GPC6: variants seen among roughly 807,000 people sequenced by gnomAD.
The protein encoded by GPC6 is glypican-6.
In GPC6, 14 loss-of-function variants were observed where a neutral mutation model predicts 55.2. That is an observed-to-expected ratio of 0.25 (90% CI 0.17 to 0.40). The LOEUF is 0.40. Among genes scored for constraint, GPC6 ranks in the 10% least tolerant of loss-of-function variants. The pLI, the probability that GPC6 is intolerant of heterozygous loss-of-function variation, is 1.00. For synonymous variants in GPC6, 278 were observed against 259.6 expected (o/e 1.07, Z -0.68); for missense variants, 641 against 708.5 (o/e 0.90, Z 1.08).
chr13:94,029,740 T>G (rs1272305887), intron 4 of GPC6, among the ~76,000 whole-genome samples: 2 of 152,190 alleles, frequency 1.3e-5, no homozygotes, highest in African/African-American at 4.8e-5. Context: ...GAATATAGGC[T>G]TTTTAACTTG....
chr13:93,413,809 G>A (rs1050142416), intron 1 of GPC6, among the ~76,000 whole-genome samples: 17 of 152,124 alleles, frequency 1.1e-4, no homozygotes, highest in African/African-American at 4.1e-4. Context: ...TTCAAAATAA[G>A]TGTTTAAAAT....
intron 2 of GPC6, among the ~76,000 whole-genome samples, chr13:93,722,199 CT>C (rs2138824411): frequency 6.6e-6 from 1 of 151,544 alleles, no homozygotes; most frequent in East Asian, 1.9e-4. Context: ...CCATTTTAAC[CT>C]TTCATTAATC....
intron 1 of GPC6, among the ~76,000 whole-genome samples, chr13:93,455,821 G>A (rs924963894): frequency 1.3e-5 from 2 of 152,096 alleles, no homozygotes; most frequent in Non-Finnish European, 2.9e-5. Context: ...AGTACTCTGT[G>A]CAGGGGACTA....
intron 1 of GPC6, among the ~76,000 whole-genome samples, chr13:93,270,495 A>G (rs1877481587): frequency 6.6e-6 from 1 of 152,048 alleles, no homozygotes; most frequent in African/African-American, 2.4e-5. Flanking sequence ...AGAATTAAAC[A>G]TTGTTTTATT....
rs775155521 is a variant in GPC6 at position 94,047,131 on chromosome 13, G to A, written c.877+19237G>A. ...CAGTGTACCAAACAGGTCCCCTTTA[G>A]TATGTCACTGAATATTTTTAAATGT... On this transcript the variant is annotated intron_variant, in intron 4 of 8. Coordinates refer to ENST00000377047, the MANE Select transcript of GPC6 (RefSeq NM_005708.5). Among the ~76,000 whole-genome samples, 9 of 152,074 alleles carry A rather than the reference G, an allele frequency of 5.9e-5. No homozygotes were observed. The South Asian group carries it at 1.0e-3, about 17-fold the overall frequency.
intron 6 of GPC6, among the ~76,000 whole-genome samples, chr13:94,337,997 G>A (rs922334613): frequency 5.9e-5 from 9 of 152,188 alleles, no homozygotes; most frequent in South Asian, 2.1e-4. Flanking sequence ...ATTCGCACAC[G>A]TTAAGAAGAC....
chr13:93,871,983 GAAAT>G (rs67750801), intron 3 of GPC6, among the ~76,000 whole-genome samples: 4,374 of 151,920 alleles, frequency 0.029, 70 homozygotes, highest in East Asian at 0.056. Context: ...AGGCACAAAA[GAAAT>G]AAATAAAACA....
chr13:93,613,937 T>C (rs1594312389), intron 2 of GPC6, among the ~76,000 whole-genome samples: 1 of 152,128 alleles, frequency 6.6e-6, no homozygotes, highest in African/African-American at 2.4e-5. Flanking sequence ...AATTTAGAAA[T>C]TGCCTGGATT....
intron 1 of GPC6, among the ~76,000 whole-genome samples, chr13:93,428,090 G>A (rs973309056): frequency 6.6e-6 from 1 of 152,050 alleles, no homozygotes; most frequent in Non-Finnish European, 1.5e-5. Context: ...TACCATCCTA[G>A]TTTTTGGATA....
At chr13:94,010,777 A>G (rs937364485) in intron 3 of GPC6, among the ~76,000 whole-genome samples, 5 of 152,212 alleles carry the variant, frequency 3.3e-5, no homozygotes, top group Admixed American at 2.6e-4. Context: ...GCTTTGACCT[A>G]CAACTTAATC....
At chr13:93,958,577 G>T (rs1181554611) in intron 3 of GPC6, among the ~76,000 whole-genome samples, 1 of 152,066 alleles carries the variant, frequency 6.6e-6, no homozygotes. Context: ...ACCAGTATCA[G>T]CTGTTTTGTT....
At chr13:94,401,919 C>T (rs548168056) in intron 8 of GPC6, among the ~76,000 whole-genome samples, 1 of 148,506 alleles carries the variant, frequency 6.7e-6, no homozygotes, top group African/African-American at 2.5e-5. Context: ...GCAACAGAGC[C>T]AGACCCTATG....
At chr13:94,242,380 C>T (rs1451941739) in intron 4 of GPC6, among the ~76,000 whole-genome samples, 3 of 152,032 alleles carry the variant, frequency 2.0e-5, no homozygotes, top group African/African-American at 7.2e-5. Context: ...TTGACCCAGC[C>T]ATCCCAGTAC....
At chr13:93,381,739 T>C (rs1369711710) in intron 1 of GPC6, among the ~76,000 whole-genome samples, 2 of 152,132 alleles carry the variant, frequency 1.3e-5, no homozygotes. Context: ...ACAAGGTTAA[T>C]TACACAAGTG....
chr13:93,950,220 T>C (rs1879192958), intron 3 of GPC6, among the ~76,000 whole-genome samples: 1 of 152,190 alleles, frequency 6.6e-6, no homozygotes, highest in Non-Finnish European at 1.5e-5. Flanking sequence ...GATACTTAAG[T>C]GTCCAGATTT....
At chr13:93,561,380 A>G (rs551212422) in intron 2 of GPC6, among the ~76,000 whole-genome samples, 3 of 110,242 alleles carry the variant, frequency 2.7e-5, no homozygotes, top group African/African-American at 1.2e-4. Flanking sequence ...ATTTATATCA[A>G]TAATTGCATA....
chr13:93,994,425 T>C (rs1008257462), intron 3 of GPC6, among the ~76,000 whole-genome samples: 3 of 152,224 alleles, frequency 2.0e-5, no homozygotes, highest in Non-Finnish European at 4.4e-5. Flanking sequence ...TGTGGATTGG[T>C]TATTTGTTCC....
At chr13:94,169,119 A>G (rs16949532) in intron 4 of GPC6, among the ~76,000 whole-genome samples, 1,683 of 152,300 alleles carry the variant, frequency 0.011, 28 homozygotes, top group African/African-American at 0.039. Flanking sequence ...GAGCAAGTTT[A>G]CCTTTTTGAC....
intron 4 of GPC6, among the ~76,000 whole-genome samples, chr13:94,271,783 C>T (rs922078442): frequency 4.6e-5 from 7 of 152,040 alleles, no homozygotes; most frequent in African/African-American, 1.7e-4. Flanking sequence ...CTTTTTCTCT[C>T]CCTCCTTCCT....
Sources: gnomAD v4.1 joint callset for allele counts (sites outside exome capture counted in the v4.1 genomes callset) on GRCh38, gnomAD v4.1.1 for gene constraint, MANE v1.5 for transcripts, NCBI Gene and HGNC (gene_info 2026-07-23, HGNC 2026-07-21) for gene names.